The following MFAP1 variants were observed in gnomAD, a reference collection of about 807,000 sequenced individuals.
MFAP1 encodes the protein microfibrillar-associated protein 1.
MFAP1 carries 18 observed loss-of-function variants against 62.2 expected under a neutral mutation model. That is an observed-to-expected ratio of 0.29 (90% confidence interval 0.20 to 0.43). MFAP1 has a LOEUF of 0.43. Among genes scored for constraint, MFAP1 ranks in the 20% least tolerant of loss-of-function variants. The pLI, the probability that MFAP1 is intolerant of heterozygous loss-of-function variation, is 1.00. For synonymous variants in MFAP1, 175 were observed against 180.4 expected (o/e 0.97, Z 0.24); for missense variants, 355 against 559.7 (o/e 0.63, Z 3.69).
intron 7 of MFAP1, among the ~76,000 whole-genome samples, chr15:43,808,298 C>T (rs570654297): frequency 3.9e-5 from 6 of 152,298 alleles, no homozygotes; most frequent in African/African-American, 7.2e-5. Flanking sequence ...CTCAACCTCT[C>T]GGGCTGAAGC....
chr15:43,814,790 A>C, intron 3 of MFAP1, 102 bp from the exon 4 acceptor site: 1 of 1,492,340 alleles, frequency 6.7e-7, no homozygotes, highest in Non-Finnish European at 9.1e-7. Context: ...ACAACTTAGT[A>C]TCATTCTATT....
chr15:43,808,061 G>A (rs2087376787), intron 7 of MFAP1, among the ~76,000 whole-genome samples: 1 of 152,160 alleles, frequency 6.6e-6, no homozygotes, highest in Non-Finnish European at 1.5e-5. Context: ...GACTGCTTGA[G>A]CCCAGGAGAA....
intron 6 of MFAP1, among the ~76,000 whole-genome samples, chr15:43,811,790 G>C (rs1172575610): frequency 6.6e-6 from 1 of 152,008 alleles, no homozygotes; most frequent in Non-Finnish European, 1.5e-5. Context: ...TTATGGGTGT[G>C]AGCCATCACG....
chr15:43,818,679 A>G (rs2087449800), intron 1 of MFAP1, among the ~76,000 whole-genome samples: 1 of 151,954 alleles, frequency 6.6e-6, no homozygotes, highest in African/African-American at 2.4e-5. Context: ...GATTGCTTAA[A>G]CCCAGGAGTT....
At chr15:43,814,795 T>G (rs1296747228) in intron 3 of MFAP1, 107 bp from the exon 4 acceptor site, 3 of 1,492,340 alleles carry the variant, frequency 2.0e-6, no homozygotes, top group East Asian at 2.3e-5. Flanking sequence ...TTAGTATCAT[T>G]CTATTTTTAA....
rs1173290532 is a variant in MFAP1, at chr15:43,804,606, G to A, written c.*488C>T. 6.6e-6 allele frequency: 1 copy of A among 152,376 alleles called. No individual in the cohort carries two copies. Among genetic ancestry groups the A allele is most frequent in the Non-Finnish European group, 1.5e-5 (1 of 68,284 alleles). The allele number at this position is 152,376 out of a possible 1,614,324, so 9.4% of individuals were successfully genotyped here. ...TTGTTGTGTGATTCTTTTATTTCTT[G>A]ACATGCACACATATATGGATCAAAA... is the stretch of plus-strand genomic sequence containing the variant. On this transcript the variant is annotated 3_prime_UTR_variant, in exon 9 of 9. Coordinates refer to ENST00000267812, the MANE Select transcript of MFAP1 (RefSeq NM_005926.3).
chr15:43,806,528 C>T (rs1207603394), intron 7 of MFAP1, among the ~76,000 whole-genome samples: 1 of 152,202 alleles, frequency 6.6e-6, no homozygotes, highest in Non-Finnish European at 1.5e-5. Context: ...TAGACTGTAA[C>T]TCATTATAAT....
intron 1 of MFAP1, among the ~76,000 whole-genome samples, chr15:43,822,954 T>G (rs1472182871): frequency 2.6e-5 from 4 of 151,928 alleles, no homozygotes; most frequent in African/African-American, 4.8e-5. Flanking sequence ...TTCTCCTGCC[T>G]CAGCCTACCG....
chr15:43,813,504 A>G, intron 4 of MFAP1, 147 bp from the exon 5 acceptor site: 3 of 476,188 alleles, frequency 6.3e-6, no homozygotes, highest in South Asian at 2.9e-5. Flanking sequence ...GAGTCATCCC[A>G]GGTCTTTTTT....
intron 1 of MFAP1, among the ~76,000 whole-genome samples, chr15:43,821,696 A>G (rs548409961): frequency 1.3e-5 from 2 of 152,342 alleles, no homozygotes; most frequent in African/African-American, 4.8e-5. Context: ...AGACGCAACT[A>G]TGAAAAACTT....
In MFAP1 at chr15:43,813,346, A is replaced by G; in HGVS notation, c.629T>C (p.Val210Ala). 2 of 1,607,104 alleles carry G rather than the reference A, an allele frequency of 1.2e-6. No individual in the cohort carries two copies. The highest frequency in any genetic ancestry group is 1.7e-6 in the Non-Finnish European group (2 of 1,178,364). The change falls in exon 5 of 9, where the codon GTG becomes GCG. Residue 210 changes from valine (V) to alanine (A), a missense_variant. Val to Ala is a moderately conservative substitution (Grantham distance 64). Transcript: ENST00000267812. ...KPVFIRKKDR[V>A]TVQEREAEAL... The stretch of plus-strand genomic sequence containing the variant: ...TTCGGCTTCACGTTCTTGAACTGTC[A>G]CTCGGTCCTTCCTGCATCACAGAGA...
chr15:43,809,815 T>A lies in MFAP1; in HGVS notation c.987A>T (p.Lys329Asn). The change falls in exon 7 of 9, where the codon AAA becomes AAT. Residue 329 changes from lysine (K) to asparagine (N), a missense_variant. Transcript: ENST00000267812. ...LRANGKVITNKAVKGKYKFLQ... is the reference protein window; with the variant it reads ...LRANGKVITNNAVKGKYKFLQ... ...AGAACTTGTATTTGCCCTTAACAGCTTTGTTGGTAATGACTTTGCCGTTTG... is the reference window on the plus strand; with the variant it reads ...AGAACTTGTATTTGCCCTTAACAGCATTGTTGGTAATGACTTTGCCGTTTG... 6.2e-7 allele frequency: 1 copy of A among 1,614,220 alleles called. No individual in the cohort carries two copies. Among genetic ancestry groups the A allele is most frequent in the Non-Finnish European group, 8.5e-7 (1 of 1,180,046 alleles).
At position 43,814,647 on chromosome 15, in the gene MFAP1, C is replaced by T. The variant is rs1437179830; in HGVS notation, c.471G>A (p.Gln157=). The T allele has an allele frequency of 6.2e-6, 10 of 1,613,986 alleles. No homozygotes were observed. The highest frequency in any genetic ancestry group is 8.5e-6 in the Non-Finnish European group (10 of 1,180,034). Reference sequence around the variant, plus strand: ...CTTCCATCTCTTCATTTTTTCTCTCCTGTGCTCGCTGACGCATCATGCCAC... The same window carrying T: ...CTTCCATCTCTTCATTTTTTCTCTCTTGTGCTCGCTGACGCATCATGCCAC... ...RRRGMMRQRA[Q]ERKNEEMEVM... Residue 157 remains glutamine, a synonymous_variant, in exon 4 of 9, where the codon CAG becomes CAA. Transcript: ENST00000267812.
chr15:43,809,493 T>TAAAAA lies in MFAP1; in HGVS notation c.1047+257_1047+261dup, dbSNP rs760823604. 3.6e-5 allele frequency among the ~76,000 whole-genome samples: 5 copies of TAAAAA among 139,510 alleles called. No homozygotes were observed. The East Asian group carries it at 1.0e-3, about 29-fold the overall frequency. The allele number at this position is 139,510 out of a possible 152,430, so 91.5% of individuals were successfully genotyped here. A position where few individuals can be genotyped will look rare whatever the true frequency, so the allele number is the denominator to read the frequency against. ...TGGGTGACAGCGAGACTCTGTCTCT[T>TAAAAA]AAAAAAAAAAAAAAAGTCTATTACA... On this transcript the variant is annotated intron_variant, in intron 7 of 8. Coordinates refer to ENST00000267812, the MANE Select transcript of MFAP1 (RefSeq NM_005926.3).
At chr15:43,807,570 A>G (rs1166219673) in intron 7 of MFAP1, among the ~76,000 whole-genome samples, 2 of 151,432 alleles carry the variant, frequency 1.3e-5, no homozygotes, top group East Asian at 2.0e-4. Context: ...GGATGGTCTC[A>G]ATCTCCTGAC....
Position 43,817,422 on chromosome 15 carries a change from C to T in MFAP1, c.106G>A (p.Val36Ile). The T allele has an allele frequency of 6.2e-7, 1 of 1,614,144 alleles. No individual in the cohort carries two copies. The highest frequency in any genetic ancestry group is 8.5e-7 in the Non-Finnish European group (1 of 1,180,022). Residue 36 changes from valine to isoleucine, a missense_variant, in exon 2 of 9, where the codon GTA becomes ATA. Val to Ile is a conservative substitution (Grantham distance 29). This residue lies in a region of MFAP1 where 29 missense variants were observed against 46.0 expected (regional missense o/e 0.63). Coordinates refer to ENST00000267812, the MANE Select transcript of MFAP1 (RefSeq NM_005926.3). ...CTTTTTCCGGACACATAACGCTTTACCTTCACTTTTTCCATTGAAATCTCA... is the reference window on the plus strand; with the variant it reads ...CTTTTTCCGGACACATAACGCTTTATCTTCACTTTTTCCATTGAAATCTCA... The part of the protein sequence containing the change: ...KGEISMEKVK[V>I]KRYVSGKRPD...
At chr15:43,811,415 C>CAAA (rs573152892) in intron 6 of MFAP1, among the ~76,000 whole-genome samples, 4 of 73,768 alleles carry the variant, frequency 5.4e-5, no homozygotes, top group Admixed American at 2.8e-4. Flanking sequence ...GACTGTGTCT[C>CAAA]AAAAAAAAAA....
chr15:43,804,908 G>T lies in MFAP1; in HGVS notation c.*186C>A. ...CCTACCTGGACAGTGCTTTCCTGTG[G>T]GTTTCTCAGCATGAGTCCAAACCTC... On this transcript the variant is annotated 3_prime_UTR_variant, in exon 9 of 9. Coordinates refer to ENST00000267812, the MANE Select transcript of MFAP1 (RefSeq NM_005926.3). 1 of 542,036 alleles carries T rather than the reference G, an allele frequency of 1.8e-6. No individual in the cohort carries two copies. Among genetic ancestry groups the T allele is most frequent in the South Asian group, 3.9e-5 (1 of 25,532 alleles). 33.6% of individuals were successfully genotyped at this position (542,036 alleles called of 1,614,324 possible).
intron 1 of MFAP1, among the ~76,000 whole-genome samples, chr15:43,821,201 T>C (rs1043109742): frequency 1.3e-5 from 2 of 152,110 alleles, no homozygotes; most frequent in African/African-American, 4.8e-5. Context: ...CAACAAACAA[T>C]GTACAAGGCT....
Sources: allele counts gnomAD v4.1 joint callset (sites outside exome capture counted in the v4.1 genomes callset), GRCh38; gene constraint gnomAD v4.1.1; regional missense constraint gnomAD v4.1.1; transcripts MANE v1.5; gene names NCBI Gene and HGNC (gene_info 2026-07-23, HGNC 2026-07-21).